Variants in ARSB observed in about 807,000 individuals in gnomAD.
ARSB encodes arylsulfatase B.
A neutral mutation model predicts 50.9 loss-of-function variants in ARSB; 41 were observed. The observed-to-expected ratio is 0.81, with a 90% CI of 0.63 to 1.04. The LOEUF (loss-of-function observed/expected upper bound fraction) is 1.04, where lower values mean the gene tolerates loss of function less well. ARSB is among the 50% of genes least tolerant of loss of function. The pLI is 0.00. For missense variants in ARSB, 672 were observed against 693.3 expected, an observed-to-expected ratio of 0.97 and a Z score of 0.35; for synonymous variants, 269 against 284.8, an observed-to-expected ratio of 0.94 and a Z score of 0.56.
In ARSB at chr5:78,840,764, C is replaced by T. The variant is rs4703765; in HGVS notation, c.1143-1338G>A. On this transcript the variant is annotated intron_variant, in intron 5 of 7. Coordinates refer to ENST00000264914, the MANE Select transcript of ARSB (RefSeq NM_000046.5). ...GGTGCCCACGGTCCTGGGACAGCAGCGGCAGCACTGCAGGGGTGGGGGTGG... is the reference window on the plus strand; with the variant it reads ...GGTGCCCACGGTCCTGGGACAGCAGTGGCAGCACTGCAGGGGTGGGGGTGG... Among the ~76,000 whole-genome samples the T allele has an allele frequency of 2.0e-3, 296 of 147,538 alleles. 1 individual carries two copies. Among genetic ancestry groups the T allele is most frequent in the East Asian group, 0.016 (77 of 4,936 alleles).
At chr5:78,852,982 C>T (rs897294680) in intron 5 of ARSB, among the ~76,000 whole-genome samples, 1 of 152,200 alleles carries the variant, frequency 6.6e-6, no homozygotes, top group Admixed American at 6.5e-5. Context: ...AAGTTTTTAA[C>T]TTCTTTGCCT....
At chr5:78,872,062 A>G (rs1747218768) in intron 5 of ARSB, among the ~76,000 whole-genome samples, 1 of 150,742 alleles carries the variant, frequency 6.6e-6, no homozygotes, top group Admixed American at 6.7e-5. Context: ...AACACATGAA[A>G]AAATGCTCAC....
intron 6 of ARSB, among the ~76,000 whole-genome samples, chr5:78,797,368 T>G (rs1743224949): frequency 1.3e-5 from 2 of 152,238 alleles, no homozygotes; most frequent in African/African-American, 4.8e-5. Context: ...CGCTGGGTAT[T>G]CTAGACTCCA....
At chr5:78,983,750 C>G in intron 1 of ARSB, among the ~76,000 whole-genome samples, 1 of 152,162 alleles carries the variant, frequency 6.6e-6, no homozygotes, top group Non-Finnish European at 1.5e-5. Flanking sequence ...CAGACCACTG[C>G]GCATATCTTT....
Position 78,793,455 on chromosome 5 carries a change from AT to A in ARSB, c.1214-11482del, listed in dbSNP as rs1743053109. On this transcript the variant is annotated intron_variant, in intron 6 of 7. Transcript: ENST00000264914. ...TAATTGGCATTTTTATTTAAAATAG[AT>A]TTTATAGCTAAATCAAATGTTTATG... Among the ~76,000 whole-genome samples the A allele has an allele frequency of 2.0e-5, 3 of 152,190 alleles. No individual in the cohort carries two copies. In the South Asian group the frequency reaches 6.2e-4, roughly 32 times the overall value.
At chr5:78,854,838 T>C (rs1746058270) in intron 5 of ARSB, among the ~76,000 whole-genome samples, 1 of 152,226 alleles carries the variant, frequency 6.6e-6, no homozygotes, top group Non-Finnish European at 1.5e-5. Context: ...AAGGGTAGAT[T>C]TGCTGGGTAT....
At chr5:78,953,046 T>C (rs1487474884) in intron 4 of ARSB, among the ~76,000 whole-genome samples, 10 of 152,246 alleles carry the variant, frequency 6.6e-5, no homozygotes, top group Admixed American at 6.5e-4. Flanking sequence ...CTGAGAGATC[T>C]TGTTAAGGGC....
chr5:78,985,469 C>T (rs1455751834), upstream of ARSB: 4 of 318,272 alleles, frequency 1.3e-5, no homozygotes, highest in African/African-American at 2.2e-5. Flanking sequence ...CGCGGGCGCC[C>T]GCTGCCCGGC....
At chr5:78,806,368 C>T (rs1421755981) in intron 6 of ARSB, among the ~76,000 whole-genome samples, 1 of 152,172 alleles carries the variant, frequency 6.6e-6, no homozygotes, top group African/African-American at 2.4e-5. Flanking sequence ...GTATCAGATA[C>T]CATCAGAGAA....
rs966538858 is a variant in ARSB at position 78,969,028 on chromosome 5, G to A, written c.477C>T (p.Arg159=). ...GMYRKECLPT[R]RGFDTYFGYL... ...TACCAAAGTAGGTATCAAATCCTCG[G>A]CGGGTTGGAAGGCATTCTTTCCGGT... Residue 159 remains arginine (R), a synonymous_variant, in exon 2 of 8, where the codon CGC becomes CGT. Coordinates refer to ENST00000264914, the MANE Select transcript of ARSB (RefSeq NM_000046.5). 3.1e-6 allele frequency: 5 copies of A among 1,614,050 alleles called. No individual in the cohort carries two copies. Among genetic ancestry groups the A allele is most frequent in the Middle Eastern group, 3.3e-4 (2 of 6,084 alleles).
Position 78,782,044 on chromosome 5 carries a change from T to C in ARSB, c.1214-70A>G, listed in dbSNP as rs897262383. On this transcript the variant is annotated intron_variant, in intron 6 of 7. Transcript: ENST00000264914. ...CGTGTTGTTATAAATCAGCATTTTA[T>C]ACCCTTGCAGAACAGTAGCTTTTAT... The C allele has an allele frequency of 3.4e-5, 54 of 1,594,240 alleles. No homozygotes were observed. In the African/African-American group the frequency reaches 3.8e-4, roughly 11 times the overall value.
At chr5:78,856,173 T>G (rs1004007050) in intron 5 of ARSB, among the ~76,000 whole-genome samples, 2 of 152,216 alleles carry the variant, frequency 1.3e-5, no homozygotes, top group African/African-American at 4.8e-5. Flanking sequence ...CCAATGGAAC[T>G]ATCTTGGCAC....
At chr5:78,793,498 G>C (rs956578216) in intron 6 of ARSB, among the ~76,000 whole-genome samples, 16 of 152,298 alleles carry the variant, frequency 1.1e-4, no homozygotes, top group Non-Finnish European at 1.9e-4. Context: ...GATGTACGCA[G>C]TTGGTCAGTG....
chr5:78,917,047 G>C (rs1421929547), intron 4 of ARSB, among the ~76,000 whole-genome samples: 1 of 152,200 alleles, frequency 6.6e-6, no homozygotes, highest in Non-Finnish European at 1.5e-5. Context: ...TGATGGGGCA[G>C]ACCATGAGGG....
rs1295507483 is a variant in ARSB at position 78,869,079 on chromosome 5, C to A, written c.1142+16505G>T. On this transcript the variant is annotated intron_variant, in intron 5 of 7. Transcript: ENST00000264914. The stretch of plus-strand genomic sequence containing the variant: ...AAGAGACAAAGAAGGCCATTACATA[C>A]TGGTAAAGGGATCAATTCAACAAGA... 7.5e-3 allele frequency among the ~76,000 whole-genome samples: 1,108 copies of A among 147,562 alleles called. 6 individuals carry two copies. Among genetic ancestry groups the A allele is most frequent in the African/African-American group, 0.026 (998 of 38,336 alleles).
intron 1 of ARSB, among the ~76,000 whole-genome samples, chr5:78,975,161 C>T (rs1000245532): frequency 1.3e-5 from 2 of 152,190 alleles, no homozygotes; most frequent in East Asian, 1.9e-4. Context: ...CAGGGAGAGG[C>T]GACCACTGGC....
chr5:78,786,166 C>T (rs1041351960), intron 6 of ARSB, among the ~76,000 whole-genome samples: 1 of 152,150 alleles, frequency 6.6e-6, no homozygotes, highest in African/African-American at 2.4e-5. Context: ...CTCCCACACC[C>T]TCCAGCCCTA....
At chr5:78,985,487 A>T (rs115264286), upstream of ARSB, 1,109 of 294,850 alleles carry the variant, frequency 3.8e-3, 4 homozygotes, top group Non-Finnish European at 5.3e-3. Context: ...GGCTTCTTGG[A>T]AACTCAGCTG....
intron 6 of ARSB, among the ~76,000 whole-genome samples, chr5:78,813,039 G>A (rs1162794140): frequency 6.6e-6 from 1 of 151,978 alleles, no homozygotes; most frequent in African/African-American, 2.4e-5. Flanking sequence ...CAAATTATGT[G>A]TACAGAGATG....
Sources: gnomAD v4.1 joint callset for allele counts (sites outside exome capture counted in the v4.1 genomes callset) on GRCh38, gnomAD v4.1.1 for gene constraint, MANE v1.5 for transcripts, NCBI Gene and HGNC (gene_info 2026-07-23, HGNC 2026-07-21) for gene names.